INSYN2B: variants seen among roughly 807,000 people sequenced by gnomAD.
INSYN2B encodes the protein protein INSYN2B.
INSYN2B carries 16 observed loss-of-function variants against 41.2 expected under a neutral mutation model. That is an observed-to-expected ratio of 0.39 (90% confidence interval 0.26 to 0.59). The LOEUF (loss-of-function observed/expected upper bound fraction) is 0.59, where lower values mean the gene tolerates loss of function less well. Among genes scored for constraint, INSYN2B ranks in the 20% least tolerant of loss-of-function variants. The pLI is 0.57. For synonymous variants in INSYN2B, 245 were observed against 244.4 expected, an observed-to-expected ratio of 1.00 and a Z score of -0.02; for missense variants, 608 against 646.4, an observed-to-expected ratio of 0.94 and a Z score of 0.64.
chr5:169,911,546 A>G (rs911803988), intron 1 of INSYN2B, among the ~76,000 whole-genome samples: 10 of 152,200 alleles, frequency 6.6e-5, no homozygotes, highest in African/African-American at 2.4e-4. Context: ...ACAGTTTGAG[A>G]TAAAACTTTA....
At chr5:169,959,308 G>A (rs1014468727) in intron 1 of INSYN2B, among the ~76,000 whole-genome samples, 6 of 151,740 alleles carry the variant, frequency 4.0e-5, no homozygotes, top group South Asian at 2.1e-4. Context: ...CAGGAGAATC[G>A]CTTGAACCTG....
chr5:169,979,239 C>T (rs1732855798), intron 1 of INSYN2B, among the ~76,000 whole-genome samples: 1 of 152,194 alleles, frequency 6.6e-6, no homozygotes. Flanking sequence ...AAAGTTTGAA[C>T]AACGTCAGTG....
At chr5:169,929,347 A>G (rs1391944362) in intron 1 of INSYN2B, among the ~76,000 whole-genome samples, 3 of 152,168 alleles carry the variant, frequency 2.0e-5, no homozygotes, top group Non-Finnish European at 4.4e-5. Context: ...CAAATCCCAT[A>G]GCTTTTTACA....
chr5:169,870,299 A>G (rs949019057), intron 3 of INSYN2B, among the ~76,000 whole-genome samples: 15 of 152,180 alleles, frequency 9.9e-5, no homozygotes, highest in African/African-American at 3.4e-4. Context: ...TGCTCGCTGA[A>G]AAGCAGAAAG....
At chr5:169,902,557 T>C (rs1281748288) in intron 1 of INSYN2B, among the ~76,000 whole-genome samples, 1 of 152,094 alleles carries the variant, frequency 6.6e-6, no homozygotes, top group Non-Finnish European at 1.5e-5. Flanking sequence ...TTGAGAAAAG[T>C]GGGAAATACT....
intron 1 of INSYN2B, among the ~76,000 whole-genome samples, chr5:169,960,419 CTT>C (rs1777037294): frequency 6.6e-6 from 1 of 152,098 alleles, no homozygotes; most frequent in African/African-American, 2.4e-5. Flanking sequence ...ATTAATATGT[CTT>C]GTTTTTCAGC....
intron 1 of INSYN2B, chr5:169,934,527 T>C (rs1042573723): frequency 7.4e-6 from 3 of 405,520 alleles, no homozygotes; most frequent in African/African-American, 2.1e-5. Flanking sequence ...CCCACATTTC[T>C]TCCAGCCTAA....
intron 1 of INSYN2B, among the ~76,000 whole-genome samples, chr5:169,928,013 T>C (rs1266848682): frequency 6.6e-6 from 1 of 152,140 alleles, no homozygotes; most frequent in Non-Finnish European, 1.5e-5. Flanking sequence ...CACAGATCCA[T>C]GTGTGTGTAT....
At chr5:169,948,954 C>G (rs11134597) in intron 1 of INSYN2B, among the ~76,000 whole-genome samples, 58,830 of 151,902 alleles carry the variant, frequency 0.39, 11,625 homozygotes, top group South Asian at 0.51. Context: ...TATCAAATTA[C>G]AAGAATATCC....
At chr5:169,869,086 C>T (rs192772468) in intron 3 of INSYN2B, among the ~76,000 whole-genome samples, 2 of 152,306 alleles carry the variant, frequency 1.3e-5, no homozygotes, top group Admixed American at 1.3e-4. Flanking sequence ...GCACATGGAA[C>T]ACTGTCTTGG....
At chr5:169,939,270 CTAGGTCTACACAGGGTCA>C (rs1313826070) in intron 1 of INSYN2B, among the ~76,000 whole-genome samples, 1 of 151,438 alleles carries the variant, frequency 6.6e-6, no homozygotes, top group Non-Finnish European at 1.5e-5. Flanking sequence ...ACACAGGAGC[CTAGGTCTACACAGGGTCA>C]GGACCCTCCC....
chr5:169,970,636 A>G (rs1393558983), intron 1 of INSYN2B, among the ~76,000 whole-genome samples: 1 of 152,222 alleles, frequency 6.6e-6, no homozygotes, highest in African/African-American at 2.4e-5. Context: ...CATCCTCCCC[A>G]TCAGCTCTCT....
intron 1 of INSYN2B, among the ~76,000 whole-genome samples, chr5:169,921,206 T>C (rs1234256706): frequency 3.9e-5 from 6 of 152,206 alleles, no homozygotes; most frequent in Non-Finnish European, 7.3e-5. Context: ...TGTGTTTGTG[T>C]TTGTGACTTG....
In INSYN2B at chr5:169,930,212, A is replaced by G. The variant is rs923398912; in HGVS notation, c.-918-45396T>C. Among the ~76,000 whole-genome samples the G allele has an allele frequency of 6.6e-5, 10 of 152,244 alleles. 1 individual carries two copies. The highest frequency in any genetic ancestry group is 6.5e-4 in the Admixed American group (10 of 15,294). The stretch of plus-strand genomic sequence containing the variant: ...TCACCATGTTGGCTAGGATGGTCTC[A>G]ATCTCCTGACCTTGTGATCCGCCTG... On this transcript the variant is annotated intron_variant, in intron 1 of 3. Coordinates refer to ENST00000377365, the MANE Select transcript of INSYN2B (RefSeq NM_001129891.3).
rs374944440 is a variant in INSYN2B at position 169,871,037 on chromosome 5, C to A, written c.1422-6578G>T. On this transcript the variant is annotated intron_variant, in intron 3 of 3. Transcript: ENST00000377365. Reference sequence around the variant, plus strand: ...GCTGTATTCCCTTGCTGTGTCCTCACGTGGCAGAAAGGGGAGAGGGACCTC... The same window carrying A: ...GCTGTATTCCCTTGCTGTGTCCTCAAGTGGCAGAAAGGGGAGAGGGACCTC... 2.6e-5 allele frequency among the ~76,000 whole-genome samples: 4 copies of A among 152,262 alleles called. No homozygotes were observed. In the East Asian group the frequency reaches 7.7e-4, roughly 29 times the overall value.
chr5:169,965,342 C>T (rs1439866484), intron 1 of INSYN2B, among the ~76,000 whole-genome samples: 2 of 152,202 alleles, frequency 1.3e-5, no homozygotes, highest in Non-Finnish European at 2.9e-5. Flanking sequence ...GCTGCTGGTC[C>T]ACAGGCCACA....
At chr5:169,914,844 C>T (rs1774789019) in intron 1 of INSYN2B, among the ~76,000 whole-genome samples, 1 of 152,230 alleles carries the variant, frequency 6.6e-6, no homozygotes, top group South Asian at 2.1e-4. Context: ...ACTTTTGCAT[C>T]CCATGGAGTA....
intron 1 of INSYN2B, among the ~76,000 whole-genome samples, chr5:169,928,110 G>A (rs1045274474): frequency 6.6e-6 from 1 of 152,184 alleles, no homozygotes; most frequent in African/African-American, 2.4e-5. Context: ...TCAACCTGGG[G>A]TTCCTTCAGG....
At chr5:169,963,140 A>C (rs935656585) in intron 1 of INSYN2B, among the ~76,000 whole-genome samples, 3 of 152,182 alleles carry the variant, frequency 2.0e-5, no homozygotes, top group Admixed American at 2.0e-4. Flanking sequence ...CTCTGTGTTC[A>C]TAAGGTGCTG....
Sources: allele counts gnomAD v4.1 joint callset (sites outside exome capture counted in the v4.1 genomes callset), GRCh38; gene constraint gnomAD v4.1.1; transcripts MANE v1.5; gene names NCBI Gene and HGNC (gene_info 2026-07-23, HGNC 2026-07-21).